Variants in CTDSPL2 observed in about 807,000 individuals in gnomAD.
CTDSPL2 encodes the protein CTD small phosphatase-like protein 2.
Under a neutral mutation model 60.0 loss-of-function variants are expected in CTDSPL2, and 5 were observed. The ratio of observed to expected loss-of-function variants is 0.08; its 90% confidence interval spans 0.04 to 0.18. The LOEUF (loss-of-function observed/expected upper bound fraction) is 0.18, where lower values mean the gene tolerates loss of function less well. CTDSPL2 is among the 10% of genes least tolerant of loss of function. The probability of loss-of-function intolerance (pLI) is 1.00; values close to 1 mark genes in which losing one functional copy is unlikely to be tolerated. For missense variants in CTDSPL2, 370 were observed against 548.8 expected, an observed-to-expected ratio of 0.67 and a Z score of 3.26; for synonymous variants, 186 against 189.3, an observed-to-expected ratio of 0.98 and a Z score of 0.14.
At chr15:44,464,127 AGC>A (rs1307167856) in intron 2 of CTDSPL2, among the ~76,000 whole-genome samples, 1 of 152,086 alleles carries the variant, frequency 6.6e-6, no homozygotes, top group Non-Finnish European at 1.5e-5. Context: ...CTCCTGTCTC[AGC>A]TTCCCGAGTA....
At chr15:44,431,479 T>C (rs1418162244) in intron 1 of CTDSPL2, among the ~76,000 whole-genome samples, 1 of 152,236 alleles carries the variant, frequency 6.6e-6, no homozygotes, top group Admixed American at 6.5e-5. Flanking sequence ...GACTGTGTGG[T>C]ATAATTTGAG....
At chr15:44,431,010 T>C (rs776632297) in intron 1 of CTDSPL2, among the ~76,000 whole-genome samples, 10 of 151,898 alleles carry the variant, frequency 6.6e-5, no homozygotes, top group Non-Finnish European at 1.2e-4. Context: ...TTAGTAGAGA[T>C]GGGGTTTCTC....
At chr15:44,479,567 T>C (rs1178261175) in intron 2 of CTDSPL2, among the ~76,000 whole-genome samples, 4 of 151,768 alleles carry the variant, frequency 2.6e-5, no homozygotes, top group Admixed American at 6.6e-5. Flanking sequence ...GCCACCATGA[T>C]TGGCTAATTT....
At chr15:44,519,009 A>G in intron 10 of CTDSPL2, 160 bp from the exon 11 acceptor site, 2 of 406,800 alleles carry the variant, frequency 4.9e-6, no homozygotes, top group Admixed American at 9.1e-5. Context: ...TTATAGTAAA[A>G]TGGCAGCCCA....
chr15:44,456,280 C>G (rs1438591000), intron 1 of CTDSPL2, among the ~76,000 whole-genome samples: 1 of 152,184 alleles, frequency 6.6e-6, no homozygotes, highest in East Asian at 1.9e-4. Context: ...AGGATTCCCT[C>G]TTTTTCTATT....
At chr15:44,509,450 G>A (rs532926951) in intron 8 of CTDSPL2, among the ~76,000 whole-genome samples, 46 of 151,942 alleles carry the variant, frequency 3.0e-4, no homozygotes, top group African/African-American at 6.3e-4. Flanking sequence ...CAGGTGATCC[G>A]CCCGCCTTGG....
At chr15:44,435,612 T>G (rs1465037826) in intron 1 of CTDSPL2, among the ~76,000 whole-genome samples, 1 of 150,874 alleles carries the variant, frequency 6.6e-6, no homozygotes, top group Non-Finnish European at 1.5e-5. Flanking sequence ...AGAGTTGTTT[T>G]TTTTTTTTTT....
At chr15:44,437,629 T>G (rs1567058069) in intron 1 of CTDSPL2, among the ~76,000 whole-genome samples, 1 of 152,174 alleles carries the variant, frequency 6.6e-6, no homozygotes, top group African/African-American at 2.4e-5. Flanking sequence ...ATGGCCTTTT[T>G]GAGAGAGATT....
intron 1 of CTDSPL2, chr15:44,449,230 C>T (rs2080283341): frequency 3.8e-6 from 1 of 265,650 alleles, no homozygotes; most frequent in Non-Finnish European, 7.9e-6. Flanking sequence ...TGTTCACTAT[C>T]AGGATCTTTC....
At chr15:44,506,412 CT>C (rs764238056) in intron 8 of CTDSPL2, among the ~76,000 whole-genome samples, 6,948 of 112,326 alleles carry the variant, frequency 0.062, 254 homozygotes, top group African/African-American at 0.19. Flanking sequence ...CCTACTTTGA[CT>C]TTTTTTTTTT....
In CTDSPL2 at chr15:44,443,212, C is replaced by T. The variant is rs77016381; in HGVS notation, c.-25+15440C>T. ...AACTCTGTGTTCATTAAACAGTCTT[C>T]AACGTTCATAATATATATCAGAATT... On this transcript the variant is annotated intron_variant, in intron 1 of 12. Coordinates refer to ENST00000260327, the MANE Select transcript of CTDSPL2 (RefSeq NM_016396.3). Among the ~76,000 whole-genome samples the T allele has an allele frequency of 4.8e-3, 729 of 152,302 alleles. 3 individuals are homozygous for T. Among genetic ancestry groups the T allele is most frequent in the Middle Eastern group, 0.017 (5 of 294 alleles).
chr15:44,450,589 ATTTTTTT>A (rs36016079), intron 1 of CTDSPL2, among the ~76,000 whole-genome samples: 16 of 88,698 alleles, frequency 1.8e-4, no homozygotes, highest in East Asian at 6.2e-4. Context: ...TATATTCTTA[ATTTTTTT>A]TTTTTTTTTT....
At chr15:44,458,045 G>A (rs756609036) in intron 1 of CTDSPL2, among the ~76,000 whole-genome samples, 1 of 152,198 alleles carries the variant, frequency 6.6e-6, no homozygotes, top group Non-Finnish European at 1.5e-5. Context: ...CTTAATTGGA[G>A]TTAGTTTGTT....
In CTDSPL2 at chr15:44,478,342, C is replaced by T. The variant is rs141206419; in HGVS notation, c.187-5882C>T. ...TGGCAGGCACCTGTAATCCCAGCTT[C>T]TCGGGAGGCTGAGGCAGGAAAATCG... On this transcript the variant is annotated intron_variant, in intron 2 of 12. Transcript: ENST00000260327. Among the ~76,000 whole-genome samples the T allele has an allele frequency of 7.4e-3, 1,098 of 148,934 alleles. 12 individuals carry two copies. The highest frequency in any genetic ancestry group is 0.026 in the African/African-American group (1,049 of 40,834).
At chr15:44,460,591 G>C (rs1404021436) in intron 2 of CTDSPL2, among the ~76,000 whole-genome samples, 1 of 152,048 alleles carries the variant, frequency 6.6e-6, no homozygotes, top group Non-Finnish European at 1.5e-5. Flanking sequence ...TTGTTCATAG[G>C]GATAGATTTT....
At chr15:44,459,549 A>G (rs978788271) in intron 2 of CTDSPL2, among the ~76,000 whole-genome samples, 1 of 152,082 alleles carries the variant, frequency 6.6e-6, no homozygotes, top group Non-Finnish European at 1.5e-5. Flanking sequence ...GACAATTATG[A>G]TATTTTCTCT....
At chr15:44,471,583 A>T (rs1398425977) in intron 2 of CTDSPL2, among the ~76,000 whole-genome samples, 2 of 152,216 alleles carry the variant, frequency 1.3e-5, no homozygotes, top group African/African-American at 4.8e-5. Flanking sequence ...CTATCTTAGA[A>T]AACTTTAAAT....
intron 1 of CTDSPL2, 136 bp from the exon 2 acceptor site, chr15:44,458,855 G>T: frequency 2.3e-6 from 1 of 434,904 alleles, no homozygotes; most frequent in Non-Finnish European, 3.9e-6. Flanking sequence ...GTTTCTTACT[G>T]CAGTCTCCTA....
At chr15:44,491,407 ACTG>A (rs1047589271) in intron 5 of CTDSPL2, among the ~76,000 whole-genome samples, 3 of 152,074 alleles carry the variant, frequency 2.0e-5, no homozygotes, top group African/African-American at 7.2e-5. Flanking sequence ...CCCCCCAAAA[ACTG>A]CTTCTGTTCC....
Sources: gnomAD v4.1 joint callset for allele counts (sites outside exome capture counted in the v4.1 genomes callset) on GRCh38, gnomAD v4.1.1 for gene constraint, MANE v1.5 for transcripts, NCBI Gene and HGNC (gene_info 2026-07-23, HGNC 2026-07-21) for gene names.